SGCD: variants seen among roughly 807,000 people sequenced by gnomAD.
SGCD encodes the protein delta-sarcoglycan.
In SGCD, 18 loss-of-function variants were observed where a neutral mutation model predicts 36.6. The observed-to-expected ratio is 0.49, with a 90% CI of 0.34 to 0.73. The LOEUF (loss-of-function observed/expected upper bound fraction) is 0.73. Among genes scored for constraint, SGCD ranks in the 30% least tolerant of loss-of-function variants. SGCD has a pLI of 0.01. For missense variants in SGCD, 387 were observed against 346.7 expected, an observed-to-expected ratio of 1.12 and a Z score of -0.92; for synonymous variants, 133 against 130.6, an observed-to-expected ratio of 1.02 and a Z score of -0.12.
chr5:156,410,881 C>T (rs1460503640), intron 3 of SGCD, among the ~76,000 whole-genome samples: 1 of 152,016 alleles, frequency 6.6e-6, no homozygotes, highest in Non-Finnish European at 1.5e-5. Context: ...CTCCCTTCTT[C>T]TTCTCCCTGG....
At chr5:156,157,065 C>G (rs571705818) in intron 3 of SGCD, among the ~76,000 whole-genome samples, 3 of 151,568 alleles carry the variant, frequency 2.0e-5, no homozygotes, top group Non-Finnish European at 2.9e-5. Flanking sequence ...CTCTGTAAAG[C>G]AAGAAGAATG....
At chr5:156,638,288 T>G (rs1399528280) in intron 6 of SGCD, among the ~76,000 whole-genome samples, 1 of 152,126 alleles carries the variant, frequency 6.6e-6, no homozygotes, top group Non-Finnish European at 1.5e-5. Context: ...GCAGGCAGAA[T>G]CAATGTTCTT....
chr5:156,049,812 T>C (rs1222801464), intron 1 of SGCD, among the ~76,000 whole-genome samples: 1 of 145,924 alleles, frequency 6.9e-6, no homozygotes. Flanking sequence ...ATGAGTGACT[T>C]TGAGGGGTTC....
At chr5:156,381,591 TA>T (rs11289380) in intron 3 of SGCD, among the ~76,000 whole-genome samples, 112,270 of 152,082 alleles carry the variant, frequency 0.74, 42,695 homozygotes, top group African/African-American at 0.92. Flanking sequence ...TGCATATTTA[TA>T]AAATTAATCA....
chr5:156,641,973 C>T (rs973014619), intron 6 of SGCD, among the ~76,000 whole-genome samples: 10 of 152,092 alleles, frequency 6.6e-5, no homozygotes, highest in African/African-American at 2.4e-4. Context: ...AGACTGGATG[C>T]CTTAAAAAAC....
At chr5:156,032,463 A>T (rs1245193405) in intron 1 of SGCD, among the ~76,000 whole-genome samples, 1 of 151,940 alleles carries the variant, frequency 6.6e-6, no homozygotes, top group African/African-American at 2.4e-5. Flanking sequence ...TCACACCTGT[A>T]ATCCCAGCAC....
At chr5:156,230,031 G>A (rs1182493967) in intron 3 of SGCD, among the ~76,000 whole-genome samples, 11 of 152,052 alleles carry the variant, frequency 7.2e-5, no homozygotes, top group Admixed American at 6.5e-4. Context: ...TTTTCTTTAT[G>A]CTGTCTATTC....
chr5:156,056,238 G>A (rs1222315944), intron 1 of SGCD, among the ~76,000 whole-genome samples: 1 of 145,686 alleles, frequency 6.9e-6, no homozygotes, highest in Non-Finnish European at 1.5e-5. Context: ...ACTAACTTTG[G>A]GAGGAACTTA....
intron 7 of SGCD, among the ~76,000 whole-genome samples, chr5:156,701,457 A>G (rs1754525298): frequency 6.6e-6 from 1 of 152,086 alleles, no homozygotes; most frequent in Admixed American, 6.6e-5. Flanking sequence ...TGTATTGTAA[A>G]TCATCTTCCT....
At chr5:155,870,038 G>A (rs1190610001), upstream of SGCD, among the ~76,000 whole-genome samples, 4 of 151,990 alleles carry the variant, frequency 2.6e-5, no homozygotes, top group South Asian at 2.1e-4. Context: ...AAAGGGAACC[G>A]TCTTGCATGA....
chr5:156,449,677 CAAAAAAA>C (rs397883573), intron 3 of SGCD, among the ~76,000 whole-genome samples: 10 of 46,056 alleles, frequency 2.2e-4, no homozygotes, highest in East Asian at 7.5e-4. Flanking sequence ...ACTAAAAATA[CAAAAAAA>C]AAAAAAAAAA....
chr5:155,784,758 C>T, the SGCD span, among the ~76,000 whole-genome samples: 1 of 149,930 alleles, frequency 6.7e-6, no homozygotes, highest in Non-Finnish European at 1.5e-5. Context: ...GCATAAATAT[C>T]AGCTATAAAT....
At chr5:156,487,297 A>T (rs1755719448) in intron 3 of SGCD, among the ~76,000 whole-genome samples, 1 of 152,214 alleles carries the variant, frequency 6.6e-6, no homozygotes, top group Non-Finnish European at 1.5e-5. Context: ...GCACCTACCC[A>T]GAATCAAAGC....
chr5:155,925,876 C>G (rs1415921389), intron 1 of SGCD, among the ~76,000 whole-genome samples: 2 of 152,100 alleles, frequency 1.3e-5, no homozygotes, highest in Non-Finnish European at 2.9e-5. Context: ...CTCAGCCTCC[C>G]AAAGTGCTGG....
chr5:155,761,806 C>T, the SGCD span, among the ~76,000 whole-genome samples: 4 of 152,040 alleles, frequency 2.6e-5, no homozygotes, highest in Non-Finnish European at 4.4e-5. Context: ...CCATCATCCT[C>T]ACCATCAACC....
At chr5:155,979,158 A>G (rs1309209995) in intron 1 of SGCD, among the ~76,000 whole-genome samples, 2 of 152,244 alleles carry the variant, frequency 1.3e-5, no homozygotes, top group East Asian at 3.8e-4. Context: ...AGATTGGCAC[A>G]ACAACAGATG....
chr5:156,512,388 G>T (rs896802227), intron 4 of SGCD, among the ~76,000 whole-genome samples: 1 of 151,980 alleles, frequency 6.6e-6, no homozygotes, highest in Non-Finnish European at 1.5e-5. Context: ...TGTTCCAGTT[G>T]CCTACAATAT....
chr5:156,723,455 GA>G (rs752624174), intron 7 of SGCD, among the ~76,000 whole-genome samples: 1 of 152,080 alleles, frequency 6.6e-6, no homozygotes, highest in Non-Finnish European at 1.5e-5. Flanking sequence ...AAAACAATAG[GA>G]AAAAACATTC....
intron 6 of SGCD, among the ~76,000 whole-genome samples, chr5:156,612,131 T>G (rs1761839321): frequency 6.6e-6 from 1 of 152,218 alleles, no homozygotes; most frequent in Non-Finnish European, 1.5e-5. Flanking sequence ...GAGGTGTTGT[T>G]TTGCTTTTTT....
Sources: allele counts gnomAD v4.1 joint callset (sites outside exome capture counted in the v4.1 genomes callset), GRCh38; gene constraint gnomAD v4.1.1; transcripts MANE v1.5; gene names NCBI Gene and HGNC (gene_info 2026-07-23, HGNC 2026-07-21).